The following VAT1L variants were observed in gnomAD, a reference collection of about 807,000 sequenced individuals.
The protein encoded by VAT1L is putative NADPH-dependent quinone oxidoreductase VAT1L.
A neutral mutation model predicts 44.1 loss-of-function variants in VAT1L; 34 were observed. The ratio of observed to expected loss-of-function variants is 0.77; its 90% CI spans 0.59 to 1.03. The LOEUF is 1.03. Ranked by LOEUF, VAT1L falls within the 50% of genes least tolerant of loss-of-function variation. The pLI, the probability that VAT1L is intolerant of heterozygous loss-of-function variation, is 0.00. For missense variants in VAT1L, 615 were observed against 538.8 expected (o/e 1.14, Z -1.40); for synonymous variants, 253 against 202.2 (o/e 1.25, Z -2.13).
chr16:77,819,476 G>C (rs2016412352), intron 2 of VAT1L, among the ~76,000 whole-genome samples: 1 of 152,044 alleles, frequency 6.6e-6, no homozygotes, highest in African/African-American at 2.4e-5. Context: ...CTGCCTCCCG[G>C]TTTCAAGTGA....
chr16:77,951,499 T>C (rs2018042359), intron 7 of VAT1L, among the ~76,000 whole-genome samples: 1 of 152,112 alleles, frequency 6.6e-6, no homozygotes, highest in East Asian at 1.9e-4. Flanking sequence ...TGAGCCGAGA[T>C]TGCGCCACCG....
intron 7 of VAT1L, among the ~76,000 whole-genome samples, chr16:77,907,127 A>G (rs1347679000): frequency 1.3e-5 from 2 of 152,180 alleles, no homozygotes; most frequent in Non-Finnish European, 2.9e-5. Context: ...GCATTGGCCA[A>G]TTTCCACGCT....
At chr16:77,955,311 G>C (rs1330335155) in intron 7 of VAT1L, among the ~76,000 whole-genome samples, 1 of 152,240 alleles carries the variant, frequency 6.6e-6, no homozygotes, top group African/African-American at 2.4e-5. Context: ...TAGCGCTACT[G>C]ACATCTAGTG....
chr16:77,916,458 G>GT (rs1421181775), intron 7 of VAT1L, among the ~76,000 whole-genome samples: 1 of 152,042 alleles, frequency 6.6e-6, no homozygotes, highest in African/African-American at 2.4e-5. Context: ...TCTCCACTGG[G>GT]TTTTTTGTTT....
chr16:77,955,447 G>A (rs1209781212), intron 7 of VAT1L, among the ~76,000 whole-genome samples: 3 of 152,174 alleles, frequency 2.0e-5, no homozygotes, highest in Non-Finnish European at 2.9e-5. Context: ...GAATGGGGCC[G>A]GGCGTGGTGG....
Position 77,872,467 on chromosome 16 carries a change from G to A in VAT1L, c.723-3903G>A, listed in dbSNP as rs899704325. Among the ~76,000 whole-genome samples the A allele has an allele frequency of 3.9e-5, 6 of 152,098 alleles. No homozygotes were observed. The East Asian group carries it at 7.7e-4, about 20-fold the overall frequency. ...GGGGAGAAGTGAGGGAGACAGGAAC[G>A]CAATTACCCAGCCCATAATGCAAGG... On this transcript the variant is annotated intron_variant, in intron 4 of 8. Coordinates refer to ENST00000302536, the MANE Select transcript of VAT1L (RefSeq NM_020927.3).
chr16:77,897,942 G>A (rs1177126977), intron 7 of VAT1L, among the ~76,000 whole-genome samples: 1 of 152,188 alleles, frequency 6.6e-6, no homozygotes. Context: ...CACAAGCCAA[G>A]GGGCTTACAC....
At chr16:77,815,464 T>C (rs1339320987) in intron 1 of VAT1L, among the ~76,000 whole-genome samples, 1 of 152,104 alleles carries the variant, frequency 6.6e-6, no homozygotes, top group East Asian at 1.9e-4. Flanking sequence ...ACCAGCCGGG[T>C]TCAGTATGTG....
At chr16:77,969,316 G>A (rs147803456) in intron 7 of VAT1L, among the ~76,000 whole-genome samples, 1 of 151,952 alleles carries the variant, frequency 6.6e-6, no homozygotes, top group Non-Finnish European at 1.5e-5. Context: ...CATTTTCCTA[G>A]CCCTCACTCA....
chr16:77,945,482 C>T (rs2017949887), intron 7 of VAT1L, among the ~76,000 whole-genome samples: 1 of 151,768 alleles, frequency 6.6e-6, no homozygotes, highest in Non-Finnish European at 1.5e-5. Context: ...TTGAGACAGG[C>T]TCTTACTGTG....
chr16:77,847,977 G>A (rs11649490), intron 3 of VAT1L, among the ~76,000 whole-genome samples: 15,127 of 152,180 alleles, frequency 0.099, 945 homozygotes, highest in African/African-American at 0.17. Flanking sequence ...CCAGGCCACC[G>A]TCCCCTGGAC....
chr16:77,871,525 C>G (rs1382703530), intron 4 of VAT1L, among the ~76,000 whole-genome samples: 3 of 152,106 alleles, frequency 2.0e-5, no homozygotes, highest in Non-Finnish European at 2.9e-5. Context: ...CCCTATGAAA[C>G]CCTAATTCAC....
At chr16:77,906,074 T>C (rs1279533889) in intron 7 of VAT1L, among the ~76,000 whole-genome samples, 2 of 152,214 alleles carry the variant, frequency 1.3e-5, no homozygotes, top group African/African-American at 4.8e-5. Flanking sequence ...GTAATGAGTG[T>C]TGAATTAATG....
intron 8 of VAT1L, 71 bp downstream of exon 8, chr16:77,972,004 C>A: frequency 6.9e-7 from 1 of 1,458,620 alleles, no homozygotes; most frequent in East Asian, 2.3e-5. Context: ...GATGCAGACA[C>A]GGGTGGGGTA....
At position 77,953,933 on chromosome 16, in the gene VAT1L, G is replaced by C. The variant is rs1027085949; in HGVS notation, c.1078-17917G>C. On this transcript the variant is annotated intron_variant, in intron 7 of 8. Coordinates refer to ENST00000302536, the MANE Select transcript of VAT1L (RefSeq NM_020927.3). ...ATGCAACTTTGCTTCTGAGTTTTCT[G>C]CTCATGTTGCACTAAGATCTGGCTC... Among the ~76,000 whole-genome samples the C allele has an allele frequency of 7.2e-5, 11 of 151,918 alleles. No homozygotes were observed. In the South Asian group the frequency reaches 2.1e-3, roughly 29 times the overall value.
intron 8 of VAT1L, among the ~76,000 whole-genome samples, chr16:77,972,437 C>A (rs1450583529): frequency 2.6e-5 from 4 of 152,158 alleles, no homozygotes; most frequent in Non-Finnish European, 5.9e-5. Flanking sequence ...CCCACCTCAG[C>A]CTCTTGAGCA....
intron 8 of VAT1L, among the ~76,000 whole-genome samples, chr16:77,974,054 A>G (rs1158535514): frequency 1.3e-5 from 2 of 152,168 alleles, no homozygotes; most frequent in Non-Finnish European, 2.9e-5. Flanking sequence ...CTTGACTTGT[A>G]ACCATAATGT....
intron 7 of VAT1L, among the ~76,000 whole-genome samples, chr16:77,887,311 T>C (rs1291397492): frequency 6.6e-6 from 1 of 152,158 alleles, no homozygotes; most frequent in Non-Finnish European, 1.5e-5. Flanking sequence ...TGCTATAGGT[T>C]CAGAGTCAGG....
At chr16:77,898,045 T>C (rs74025071) in intron 7 of VAT1L, among the ~76,000 whole-genome samples, 6,616 of 152,210 alleles carry the variant, frequency 0.043, 506 homozygotes, top group African/African-American at 0.15. Flanking sequence ...CATGAAGGAA[T>C]CTGTCTCATG....
Sources: allele counts gnomAD v4.1 joint callset (sites outside exome capture counted in the v4.1 genomes callset), GRCh38; gene constraint gnomAD v4.1.1; transcripts MANE v1.5; gene names NCBI Gene and HGNC (gene_info 2026-07-23, HGNC 2026-07-21).